MAPK10: variants seen among roughly 807,000 people sequenced by gnomAD.
MAPK10 encodes the protein JNK3 alpha protein kinase.
A neutral mutation model predicts 59.3 loss-of-function variants in MAPK10; 25 were observed. That is an observed-to-expected ratio of 0.42 (90% CI 0.31 to 0.59). The LOEUF (loss-of-function observed/expected upper bound fraction) is 0.59, where lower values mean the gene tolerates loss of function less well. Ranked by LOEUF, MAPK10 falls within the 20% of genes least tolerant of loss-of-function variation. The probability of loss-of-function intolerance (pLI) is 0.15; values close to 1 mark genes in which losing one functional copy is unlikely to be tolerated. For missense variants in MAPK10, 351 were observed against 568.9 expected (o/e 0.62, Z 3.90); for synonymous variants, 190 against 200.5 (o/e 0.95, Z 0.44).
rs539650812 is a variant in MAPK10, at chr4:86,531,448, C to T, written c.-263+62462G>A. On this transcript the variant is annotated intron_variant, in intron 1 of 4. Transcript: ENST00000502302. ...TATTTTGCTATTATTGTTGATACTA[C>T]TATTATTGCTATAAACTTGTCAGTG... is the stretch of plus-strand genomic sequence containing the variant. 2.6e-5 allele frequency among the ~76,000 whole-genome samples: 4 copies of T among 152,202 alleles called. No individual in the cohort carries two copies. In the East Asian group the frequency reaches 7.7e-4, roughly 29 times the overall value.
At chr4:86,547,894 T>C (rs1759370217) in intron 1 of MAPK10, among the ~76,000 whole-genome samples, 1 of 152,114 alleles carries the variant, frequency 6.6e-6, no homozygotes, top group Non-Finnish European at 1.5e-5. Flanking sequence ...TTAGAGAACC[T>C]TTATGTCTAG....
chr4:86,199,169 A>G (rs1323155848), intron 2 of MAPK10, among the ~76,000 whole-genome samples: 1 of 152,040 alleles, frequency 6.6e-6, no homozygotes, highest in African/African-American at 2.4e-5. Flanking sequence ...ATAATTCCAC[A>G]TCTACACATA....
At chr4:86,047,768 C>G (rs2042783984) in intron 11 of MAPK10, among the ~76,000 whole-genome samples, 1 of 152,048 alleles carries the variant, frequency 6.6e-6, no homozygotes, top group African/African-American at 2.4e-5. Context: ...ATGATAAGTA[C>G]TTTGAGTTTT....
intron 1 of MAPK10, among the ~76,000 whole-genome samples, chr4:86,511,873 A>G (rs899406695): frequency 6.6e-6 from 1 of 151,396 alleles, no homozygotes; most frequent in Non-Finnish European, 1.5e-5. Context: ...GGGAGGGAAC[A>G]AGGAAGGAAA....
rs542714790 is a variant in MAPK10 at position 86,247,083 on chromosome 4, C to T, written c.-6-52676G>A. 2.2e-4 allele frequency among the ~76,000 whole-genome samples: 34 copies of T among 152,234 alleles called. 1 individual carries two copies. Among genetic ancestry groups the T allele is most frequent in the Non-Finnish European group, 4.0e-4 (27 of 68,024 alleles). On this transcript the variant is annotated intron_variant, in intron 2 of 13. Transcript: ENST00000641462. ...AATTGCCAATTCTGCCAACCGTCAACCAACTGCCAACCATGAAGGAAGCCA... is the reference window on the plus strand; with the variant it reads ...AATTGCCAATTCTGCCAACCGTCAATCAACTGCCAACCATGAAGGAAGCCA...
intron 1 of MAPK10, among the ~76,000 whole-genome samples, chr4:86,497,388 T>C (rs1011737337): frequency 6.6e-6 from 1 of 152,172 alleles, no homozygotes; most frequent in African/African-American, 2.4e-5. Flanking sequence ...GGAAAACCTA[T>C]CCTCAGGCTC....
intron 1 of MAPK10, among the ~76,000 whole-genome samples, chr4:86,581,176 T>G (rs1182152648): frequency 6.6e-6 from 1 of 152,134 alleles, no homozygotes; most frequent in Non-Finnish European, 1.5e-5. Context: ...CTGCTAGAAT[T>G]GTACTAGCAG....
At chr4:86,568,238 T>C (rs1761205523) in intron 1 of MAPK10, among the ~76,000 whole-genome samples, 1 of 152,056 alleles carries the variant, frequency 6.6e-6, no homozygotes, top group Non-Finnish European at 1.5e-5. Flanking sequence ...ATTTTACCAA[T>C]GAGGTGAAAA....
At chr4:86,303,188 C>T (rs2095501243) in intron 2 of MAPK10, among the ~76,000 whole-genome samples, 1 of 152,200 alleles carries the variant, frequency 6.6e-6, no homozygotes, top group Non-Finnish European at 1.5e-5. Flanking sequence ...ATTCTGGCTT[C>T]ATTAAGCTTC....
At chr4:86,361,006 C>G (rs1048109285), upstream of MAPK10, among the ~76,000 whole-genome samples, 3 of 152,150 alleles carry the variant, frequency 2.0e-5, no homozygotes, top group African/African-American at 7.2e-5. Flanking sequence ...TGCTTACACT[C>G]TTTTGAGGTG....
intron 9 of MAPK10, among the ~76,000 whole-genome samples, chr4:86,076,117 T>G (rs1271699543): frequency 6.6e-6 from 1 of 152,168 alleles, no homozygotes. Flanking sequence ...TTTAAGCCGG[T>G]CTGAAAAGTG....
intron 3 of MAPK10, among the ~76,000 whole-genome samples, chr4:86,162,064 T>C (rs966025865): frequency 5.2e-4 from 79 of 151,938 alleles, no homozygotes; most frequent in African/African-American, 1.8e-3. Flanking sequence ...ATGCTGATGA[T>C]ATACATATTA....
chr4:86,305,798 G>A (rs1334254135), intron 2 of MAPK10, among the ~76,000 whole-genome samples: 3 of 144,642 alleles, frequency 2.1e-5, no homozygotes, highest in Non-Finnish European at 3.0e-5. Flanking sequence ...CAGCCTGGGC[G>A]ACAAGAGGGA....
intron 1 of MAPK10, among the ~76,000 whole-genome samples, chr4:86,576,844 T>C (rs1761940369): frequency 6.6e-6 from 1 of 152,034 alleles, no homozygotes; most frequent in Non-Finnish European, 1.5e-5. Context: ...ACGAAGGTTT[T>C]AGGATAAAGA....
At chr4:86,027,861 A>G (rs1751143978) in intron 13 of MAPK10, 1 of 152,248 alleles carries the variant, frequency 6.6e-6, no homozygotes, top group Non-Finnish European at 1.5e-5. Context: ...GAAAGATCCT[A>G]TTATTTGGGA....
intron 2 of MAPK10, among the ~76,000 whole-genome samples, chr4:86,338,421 C>T (rs540464777): frequency 1.4e-4 from 21 of 152,262 alleles, no homozygotes; most frequent in African/African-American, 5.1e-4. Flanking sequence ...GTAAGTTCCC[C>T]TAATAAGTGT....
At chr4:86,498,433 G>T (rs145734759) in intron 1 of MAPK10, among the ~76,000 whole-genome samples, 1 of 152,074 alleles carries the variant, frequency 6.6e-6, no homozygotes, top group African/African-American at 2.4e-5. Flanking sequence ...TAACAACAGA[G>T]CCATCATTTT....
In MAPK10 at chr4:86,359,669, T is replaced by C; in HGVS notation, c.-133A>G. 1.0e-6 allele frequency: 1 copy of C among 985,832 alleles called. No individual in the cohort carries two copies. Among genetic ancestry groups the C allele is most frequent in the Non-Finnish European group, 1.2e-6 (1 of 829,898 alleles). The allele number at this position is 985,832 out of a possible 1,614,324, so 61.1% of individuals were successfully genotyped here. The stretch of plus-strand genomic sequence containing the variant: ...AAAGAGCCACCTACCATTCCGTGCC[T>C]GAGAACTACGATCCTGATCCGGCAG... On this transcript the variant is annotated 5_prime_UTR_variant, in exon 1 of 14. Transcript: ENST00000641462.
intron 2 of MAPK10, among the ~76,000 whole-genome samples, chr4:86,254,595 C>G (rs571645969): frequency 5.5e-4 from 75 of 137,134 alleles, no homozygotes; most frequent in South Asian, 2.5e-3. Flanking sequence ...TTACTTCCAA[C>G]TATGTGGTCA....
Sources: gnomAD v4.1 joint callset for allele counts (sites outside exome capture counted in the v4.1 genomes callset) on GRCh38, gnomAD v4.1.1 for gene constraint, MANE v1.5 for transcripts, NCBI Gene and HGNC (gene_info 2026-07-23, HGNC 2026-07-21) for gene names.